The following ADGRL3 variants were observed in gnomAD, a reference collection of about 807,000 sequenced individuals.
ADGRL3 encodes the protein adhesion G protein-coupled receptor L3.
ADGRL3 carries 62 observed loss-of-function variants against 153.5 expected under a neutral mutation model. That is an observed-to-expected ratio of 0.40 (90% confidence interval 0.33 to 0.50). The LOEUF (loss-of-function observed/expected upper bound fraction) is 0.50, where lower values mean the gene tolerates loss of function less well. ADGRL3 is among the 20% of genes least tolerant of loss of function. The probability of loss-of-function intolerance (pLI) is 0.47; values close to 1 mark genes in which losing one functional copy is unlikely to be tolerated. For synonymous variants in ADGRL3, 710 were observed against 672.5 expected, an observed-to-expected ratio of 1.06 and a Z score of -0.86; for missense variants, 1,641 against 1,859.4, an observed-to-expected ratio of 0.88 and a Z score of 2.16.
At chr4:61,464,057 G>A (rs1334672137) in intron 2 of ADGRL3, among the ~76,000 whole-genome samples, 1 of 152,058 alleles carries the variant, frequency 6.6e-6, no homozygotes, top group Admixed American at 6.6e-5. Flanking sequence ...GCAGCCAAAG[G>A]CAATTAATAA....
At chr4:62,013,015 A>T (rs1322505650) in intron 21 of ADGRL3, among the ~76,000 whole-genome samples, 2 of 152,140 alleles carry the variant, frequency 1.3e-5, no homozygotes, top group African/African-American at 4.8e-5. Flanking sequence ...GCAGCTGGGG[A>T]TGAGTTTGGG....
chr4:62,054,721 A>G (rs908811829), intron 25 of ADGRL3, among the ~76,000 whole-genome samples: 9 of 151,630 alleles, frequency 5.9e-5, no homozygotes, highest in African/African-American at 2.2e-4. Context: ...AACAACATAT[A>G]TAAAAAACAA....
intron 2 of ADGRL3, among the ~76,000 whole-genome samples, chr4:61,485,427 T>C (rs912058038): frequency 2.2e-4 from 33 of 152,336 alleles, no homozygotes; most frequent in African/African-American, 7.7e-4. Flanking sequence ...TTTACAGTAA[T>C]CTTTTCTCAT....
At chr4:61,291,609 C>CATATATATATAT in intron 1 of ADGRL3, among the ~76,000 whole-genome samples, 1 of 9,012 alleles carries the variant, frequency 1.1e-4, no homozygotes, top group East Asian at 2.1e-3. Context: ...TATATACACA[C>CATATATATATAT]ACATATATAT....
chr4:61,477,149 A>G (rs1375612744), intron 2 of ADGRL3, among the ~76,000 whole-genome samples: 2 of 152,162 alleles, frequency 1.3e-5, no homozygotes, highest in African/African-American at 4.8e-5. Context: ...AATTTCAGCC[A>G]TAGTTTGAGC....
chr4:61,701,044 A>G (rs2095749008), intron 6 of ADGRL3, among the ~76,000 whole-genome samples: 2 of 152,234 alleles, frequency 1.3e-5, no homozygotes, highest in South Asian at 4.1e-4. Flanking sequence ...TGAACTAGAC[A>G]TTTGAGAATC....
chr4:61,983,138 AT>A (rs536493776), intron 18 of ADGRL3, among the ~76,000 whole-genome samples: 69 of 150,860 alleles, frequency 4.6e-4, no homozygotes, highest in South Asian at 2.5e-3. Flanking sequence ...TCTAAGTATT[AT>A]TTTTTTTATT....
chr4:61,318,479 G>A (rs2095283166), intron 1 of ADGRL3, among the ~76,000 whole-genome samples: 1 of 152,046 alleles, frequency 6.6e-6, no homozygotes, highest in African/African-American at 2.4e-5. Flanking sequence ...ATCAAGTGAG[G>A]TAATGCTTAG....
chr4:61,204,748 T>TC (rs1163430941), intron 1 of ADGRL3, among the ~76,000 whole-genome samples: 1 of 152,172 alleles, frequency 6.6e-6, no homozygotes, highest in Non-Finnish European at 1.5e-5. Flanking sequence ...ACTATTAATT[T>TC]TTTTTTTTAG....
intron 2 of ADGRL3, among the ~76,000 whole-genome samples, chr4:61,393,330 G>A (rs1372582772): frequency 1.3e-5 from 2 of 152,032 alleles, no homozygotes; most frequent in African/African-American, 2.4e-5. Context: ...AACAGTTTTG[G>A]TGCCTGACAG....
At chr4:61,583,171 T>A (rs556950205) in intron 4 of ADGRL3, among the ~76,000 whole-genome samples, 6 of 152,176 alleles carry the variant, frequency 3.9e-5, no homozygotes, top group African/African-American at 1.4e-4. Context: ...TATTCCCTTC[T>A]ATGAAAGCCC....
At chr4:61,680,493 C>T (rs1417119585) in intron 6 of ADGRL3, among the ~76,000 whole-genome samples, 2 of 148,282 alleles carry the variant, frequency 1.3e-5, no homozygotes. Flanking sequence ...TTTTCATGGA[C>T]AAAATGTAGA....
chr4:61,792,132 C>A (rs1033194771), intron 8 of ADGRL3, among the ~76,000 whole-genome samples: 5 of 152,296 alleles, frequency 3.3e-5, no homozygotes, highest in Admixed American at 2.0e-4. Flanking sequence ...CATTGTCAGG[C>A]TGCAAACAAA....
chr4:61,339,017 T>C (rs752232913), intron 1 of ADGRL3, among the ~76,000 whole-genome samples: 1 of 152,290 alleles, frequency 6.6e-6, no homozygotes, highest in Middle Eastern at 3.4e-3. Context: ...GTACTGATGA[T>C]AGTGATAGTG....
intron 4 of ADGRL3, among the ~76,000 whole-genome samples, chr4:61,562,026 AG>A (rs2098797177): frequency 6.6e-6 from 1 of 152,112 alleles, no homozygotes; most frequent in Non-Finnish European, 1.5e-5. Flanking sequence ...TGAGATATTG[AG>A]GGTTTGGTTC....
chr4:61,230,199 C>G (rs1047214732), intron 1 of ADGRL3, among the ~76,000 whole-genome samples: 1 of 152,138 alleles, frequency 6.6e-6, no homozygotes, highest in Non-Finnish European at 1.5e-5. Context: ...CGGCTGTCTG[C>G]TAGAAGCCCT....
intron 2 of ADGRL3, among the ~76,000 whole-genome samples, chr4:61,496,021 A>T (rs1003401977): frequency 1.3e-5 from 2 of 152,330 alleles, no homozygotes; most frequent in South Asian, 2.1e-4. Flanking sequence ...ATCATCGTAC[A>T]TTGTTATTTA....
chr4:61,262,490 C>T (rs1427351791), intron 1 of ADGRL3, among the ~76,000 whole-genome samples: 1 of 152,010 alleles, frequency 6.6e-6, no homozygotes, highest in African/African-American at 2.4e-5. Context: ...GCAACATTTG[C>T]TTTCAGATTC....
Position 61,489,198 on chromosome 4 carries a change from T to A in ADGRL3, c.-173-7923T>A, listed in dbSNP as rs116566820. On this transcript the variant is annotated intron_variant, in intron 2 of 26. Transcript: ENST00000683033. ...TGTGAACATTAGGGTATAGAAAATT[T>A]AAGTAATCTGCTTATGTCATACAGC... 2.1e-3 allele frequency among the ~76,000 whole-genome samples: 317 copies of A among 152,074 alleles called. 2 individuals carry two copies. The highest frequency in any genetic ancestry group is 7.5e-3 in the African/African-American group (313 of 41,540).
Sources: gnomAD v4.1 joint callset for allele counts (sites outside exome capture counted in the v4.1 genomes callset) on GRCh38, gnomAD v4.1.1 for gene constraint, MANE v1.5 for transcripts, NCBI Gene and HGNC (gene_info 2026-07-23, HGNC 2026-07-21) for gene names.